CDH18: variants seen among roughly 807,000 people sequenced by gnomAD.
CDH18 encodes cadherin-18.
In CDH18, 31 loss-of-function variants were observed where a neutral mutation model predicts 67.9. The observed-to-expected ratio is 0.46, with a 90% confidence interval of 0.34 to 0.62. The LOEUF (loss-of-function observed/expected upper bound fraction) is 0.62, where lower values mean the gene tolerates loss of function less well. Ranked by LOEUF, CDH18 falls within the 20% of genes least tolerant of loss-of-function variation. The pLI is 0.01. For synonymous variants in CDH18, 362 were observed against 347.2 expected, an observed-to-expected ratio of 1.04 and a Z score of -0.48; for missense variants, 890 against 975.5, an observed-to-expected ratio of 0.91 and a Z score of 1.17.
At chr5:19,667,404 T>C (rs959316105) in intron 5 of CDH18, among the ~76,000 whole-genome samples, 1 of 150,742 alleles carries the variant, frequency 6.6e-6, no homozygotes, top group Non-Finnish European at 1.5e-5. Context: ...TATATATTGT[T>C]TTCTCCTTAA....
rs1751759531 is a variant in CDH18 at position 20,158,886 on chromosome 5, G to A, written c.-518+96558C>T. 4.5e-5 allele frequency: 9 copies of A among 201,364 alleles called. No homozygotes were observed. The South Asian group carries it at 1.0e-3, about 23-fold the overall frequency. The allele number at this position is 201,364 out of a possible 1,614,324, so 12.5% of individuals were successfully genotyped here. A position where few individuals can be genotyped will look rare whatever the true frequency, so the allele number is the denominator to read the frequency against. On this transcript the variant is annotated intron_variant, in intron 2 of 14. Coordinates refer to the CDH18 transcript ENST00000507958. ...ACAAAAGTTATCATTCCCTGAATGG[G>A]AGCAAAAGCTTTTAGTCTCTCTTTA...
intron 11 of CDH18, among the ~76,000 whole-genome samples, chr5:19,485,640 T>C (rs1389955155): frequency 6.6e-6 from 1 of 152,214 alleles, no homozygotes; most frequent in Non-Finnish European, 1.5e-5. Context: ...TTATCAGTCA[T>C]GTTTACTCTC....
At chr5:19,700,181 T>C (rs1173101263) in intron 5 of CDH18, among the ~76,000 whole-genome samples, 3 of 152,212 alleles carry the variant, frequency 2.0e-5, no homozygotes, top group African/African-American at 7.2e-5. Flanking sequence ...GTACAACTTA[T>C]ACTACAAACC....
At chr5:19,512,894 A>T (rs112308719) in intron 10 of CDH18, among the ~76,000 whole-genome samples, 110 of 152,204 alleles carry the variant, frequency 7.2e-4, no homozygotes, top group African/African-American at 2.5e-3. Flanking sequence ...TGTTAAAGTT[A>T]TGCTGGCATC....
intron 1 of CDH18, among the ~76,000 whole-genome samples, chr5:20,544,048 T>A (rs1423587098): frequency 6.6e-6 from 1 of 152,216 alleles, no homozygotes; most frequent in Non-Finnish European, 1.5e-5. Context: ...CCATTAATAC[T>A]TGATTCTGAA....
intron 3 of CDH18, among the ~76,000 whole-genome samples, chr5:19,833,803 G>C (rs1323516749): frequency 6.6e-6 from 1 of 152,090 alleles, no homozygotes; most frequent in Non-Finnish European, 1.5e-5. Flanking sequence ...CTTTGGTTCT[G>C]TTTATGTGAT....
At chr5:19,745,411 T>C (rs1375337934) in intron 4 of CDH18, among the ~76,000 whole-genome samples, 1 of 152,184 alleles carries the variant, frequency 6.6e-6, no homozygotes, top group African/African-American at 2.4e-5. Flanking sequence ...CCTGTGGTTA[T>C]GACAGTTTCC....
chr5:20,570,931 G>A (rs1347136676), intron 1 of CDH18, among the ~76,000 whole-genome samples: 3 of 152,046 alleles, frequency 2.0e-5, no homozygotes, highest in Admixed American at 6.6e-5. Context: ...AAAACAATTC[G>A]GTTCATTGAT....
At chr5:20,408,856 A>G (rs1174213859) in intron 1 of CDH18, among the ~76,000 whole-genome samples, 1 of 151,856 alleles carries the variant, frequency 6.6e-6, no homozygotes, top group Non-Finnish European at 1.5e-5. Context: ...AGATTTAAAT[A>G]AATAATGAGA....
rs190049829 is a variant in CDH18 at position 19,618,044 on chromosome 5, A to C, written c.644-5443T>G. Among the ~76,000 whole-genome samples the C allele has an allele frequency of 7.9e-5, 12 of 152,344 alleles. No individual in the cohort carries two copies. In the East Asian group the frequency reaches 2.3e-3, roughly 29 times the overall value. The stretch of plus-strand genomic sequence containing the variant: ...CATTTTGTTTATTAGATAATACCAC[A>C]GAAGACTGCAAAATAAAAATGCCTA... On this transcript the variant is annotated intron_variant, in intron 5 of 12. Coordinates refer to ENST00000382275, the MANE Select transcript of CDH18 (RefSeq NM_004934.5).
chr5:19,677,381 C>T (rs962670749), intron 5 of CDH18, among the ~76,000 whole-genome samples: 1 of 152,036 alleles, frequency 6.6e-6, no homozygotes, highest in African/African-American at 2.4e-5. Context: ...ACCACCAGAA[C>T]TGCCTTAAAG....
At chr5:20,002,968 A>G (rs2150403170) in intron 2 of CDH18, among the ~76,000 whole-genome samples, 1 of 152,276 alleles carries the variant, frequency 6.6e-6, no homozygotes, top group Middle Eastern at 3.4e-3. Flanking sequence ...CCAAAAAAAA[A>G]AAAAAAGCAA....
chr5:19,756,880 G>A (rs754327216), intron 3 of CDH18, among the ~76,000 whole-genome samples: 2 of 152,144 alleles, frequency 1.3e-5, no homozygotes, highest in African/African-American at 4.8e-5. Flanking sequence ...CTTGATTCCC[G>A]GATCCATGAA....
At chr5:20,398,784 G>A (rs35680256) in intron 1 of CDH18, among the ~76,000 whole-genome samples, 5 of 136,750 alleles carry the variant, frequency 3.7e-5, no homozygotes, top group Admixed American at 7.4e-5. Flanking sequence ...TACCTACGTA[G>A]AAAACCACCA....
At chr5:20,082,248 A>G (rs1479875838) in intron 2 of CDH18, among the ~76,000 whole-genome samples, 1 of 152,206 alleles carries the variant, frequency 6.6e-6, no homozygotes, top group Non-Finnish European at 1.5e-5. Context: ...TATTTGAAGA[A>G]GGCATTAAAA....
chr5:19,584,867 C>T (rs1351851882), intron 7 of CDH18, among the ~76,000 whole-genome samples: 1 of 149,500 alleles, frequency 6.7e-6, no homozygotes, highest in Non-Finnish European at 1.5e-5. Context: ...TGGTGGTGCT[C>T]ACCTGTGGTC....
intron 5 of CDH18, among the ~76,000 whole-genome samples, chr5:19,709,266 G>A (rs941012889): frequency 2.6e-5 from 4 of 152,000 alleles, no homozygotes; most frequent in African/African-American, 9.7e-5. Context: ...ACATTTATTT[G>A]TATTTTAAAG....
rs1746742999 is a variant in CDH18 at position 19,520,637 on chromosome 5, G to A, written c.1512+20C>T. 1 of 1,598,636 alleles carries A rather than the reference G, an allele frequency of 6.3e-7. No individual in the cohort carries two copies. The highest frequency in any genetic ancestry group is 1.4e-5 in the African/African-American group (1 of 74,000). On this transcript the variant is annotated intron_variant, in intron 10 of 12. Coordinates refer to ENST00000382275, the MANE Select transcript of CDH18 (RefSeq NM_004934.5). ...GCATTTATTCCATTCAAATGAGGAG[G>A]AAGGAAACAATTAACTTACCTGGCC... is the stretch of plus-strand genomic sequence containing the variant.
At chr5:19,900,137 G>A (rs1454459921) in intron 2 of CDH18, among the ~76,000 whole-genome samples, 1 of 151,968 alleles carries the variant, frequency 6.6e-6, no homozygotes, top group African/African-American at 2.4e-5. Flanking sequence ...GAAATAAGCA[G>A]GCATAGAAGA....
Sources: allele counts gnomAD v4.1 joint callset (sites outside exome capture counted in the v4.1 genomes callset), GRCh38; gene constraint gnomAD v4.1.1; transcripts MANE v1.5; gene names NCBI Gene and HGNC (gene_info 2026-07-23, HGNC 2026-07-21).